POLR3E: variants seen among roughly 807,000 people sequenced by gnomAD.
POLR3E encodes the protein DNA-directed RNA polymerase III subunit RPC5.
POLR3E carries 41 observed loss-of-function variants against 96.6 expected under a neutral mutation model. That is an observed-to-expected ratio of 0.42 (90% CI 0.33 to 0.55). POLR3E has a LOEUF of 0.55. Ranked by LOEUF, POLR3E falls within the 20% of genes least tolerant of loss-of-function variation. POLR3E has a pLI of 0.06. For missense variants in POLR3E, 849 were observed against 952.1 expected (o/e 0.89, Z 1.43); for synonymous variants, 396 against 383.6 (o/e 1.03, Z -0.38).
At chr16:22,329,952 TA>T (rs544204575) in intron 19 of POLR3E, among the ~76,000 whole-genome samples, 36 of 146,942 alleles carry the variant, frequency 2.4e-4, no homozygotes, top group Admixed American at 4.1e-4. Flanking sequence ...TGCCCCCATT[TA>T]AAAAAAAAAA....
chr16:22,332,202 C>G lies in POLR3E; in HGVS notation c.2070+17C>G. The stretch of plus-strand genomic sequence containing the variant: ...GTACTAAAGGTACATCCATTTTGTG[C>G]ATAACAAACAATATCAAAGGCTCTG... On this transcript the variant is annotated intron_variant, in intron 20 of 20. Transcript: ENST00000299853. 1.2e-6 allele frequency: 2 copies of G among 1,606,298 alleles called. No individual in the cohort carries two copies. Among genetic ancestry groups the G allele is most frequent in the Non-Finnish European group, 1.7e-6 (2 of 1,175,014 alleles).
intron 1 of POLR3E, among the ~76,000 whole-genome samples, chr16:22,302,156 C>G (rs2048036557): frequency 6.6e-6 from 1 of 152,090 alleles, no homozygotes; most frequent in Non-Finnish European, 1.5e-5. Flanking sequence ...AAAGCTCTCT[C>G]TTCTTCCAGG....
chr16:22,317,667 TTTTTTTTTTAAG>T (rs1598260395), intron 12 of POLR3E, among the ~76,000 whole-genome samples: 1 of 144,500 alleles, frequency 6.9e-6, no homozygotes, highest in East Asian at 2.3e-4. Flanking sequence ...TTGTTGTTGT[TTTTTTTTTTAAG>T]GTTTTTTTAA....
chr16:22,333,044 G>A (rs543013129), intron 20 of POLR3E, among the ~76,000 whole-genome samples: 1 of 140,586 alleles, frequency 7.1e-6, no homozygotes, highest in African/African-American at 2.6e-5. Context: ...GCACAATCTC[G>A]GCTCACCGCA....
rs1376096839 is a variant in POLR3E at position 22,325,979 on chromosome 16, C to T, written c.1567C>T (p.Pro523Ser). Residue 523 changes from proline to serine, a missense_variant, in exon 18 of 21, where the codon CCC (proline) becomes TCC (serine). Coordinates refer to ENST00000299853, the MANE Select transcript of POLR3E (RefSeq NM_018119.4). ...EAEEEPMDTS[P>S]SGLHSKLANG... ...GGAGGAGGAGCCCATGGACACTTCCCCCAGCGGCCTCCACAGCAAGCTGGC... is the reference window on the plus strand; with the variant it reads ...GGAGGAGGAGCCCATGGACACTTCCTCCAGCGGCCTCCACAGCAAGCTGGC... The T allele has an allele frequency of 1.3e-6, 2 of 1,591,766 alleles. No homozygotes were observed. The highest frequency in any genetic ancestry group is 1.7e-6 in the Non-Finnish European group (2 of 1,168,578).
chr16:22,307,780 C>T (rs987412348), intron 3 of POLR3E, among the ~76,000 whole-genome samples: 5 of 152,200 alleles, frequency 3.3e-5, no homozygotes, highest in Admixed American at 1.3e-4. Flanking sequence ...CTTCTCTCCC[C>T]GGATGGCCTG....
In POLR3E at chr16:22,322,916, G is replaced by A. The variant is rs752527251; in HGVS notation, c.1053G>A (p.Arg351=). ...GCGTGCCTGCTGAGGTGCTCTGCAG[G>A]GGCCGAGACTTCGTTGTAAGTACCT... ...HSGVPAEVLC[R]GRDFVMWKFT... The change falls in exon 14 of 21, where the codon AGG becomes AGA. Residue 351 remains arginine, a synonymous_variant. Transcript: ENST00000299853. This position sits in a 1 kb window ranked among gnomAD's most constrained non-coding sequence, Gnocchi z 5.2. 3.7e-6 allele frequency: 6 copies of A among 1,612,502 alleles called. No individual in the cohort carries two copies. The Admixed American group carries it at 8.3e-5, about 22-fold the overall frequency.
In POLR3E at chr16:22,318,155, A is replaced by G. The variant is rs1396462394; in HGVS notation, c.866-671A>G. Among the ~76,000 whole-genome samples, 1 of 151,558 alleles carries G rather than the reference A, an allele frequency of 6.6e-6. No individual in the cohort carries two copies. The highest frequency in any genetic ancestry group is 1.5e-5 in the Non-Finnish European group (1 of 67,920). Reference sequence around the variant, plus strand: ...GTCACCCAGGCTGGAGTGCAGTGGCACAATCTCGGCTCACTGCAACCTCCG... The same window carrying G: ...GTCACCCAGGCTGGAGTGCAGTGGCGCAATCTCGGCTCACTGCAACCTCCG... On this transcript the variant is annotated intron_variant, in intron 12 of 20. Transcript: ENST00000299853. This position sits in a 1 kb window ranked among gnomAD's most constrained non-coding sequence, Gnocchi z 5.0.
At position 22,330,048 on chromosome 16, in the gene POLR3E, T is replaced by C. The variant is rs368485685; in HGVS notation, c.1944+1461T>C. ...TTTTAGGAGACTGTAGAGATAGATA[T>C]GTTACGCCAGTTTTTTTTTTTTTTT... On this transcript the variant is annotated intron_variant, in intron 19 of 20. Coordinates refer to ENST00000299853, the MANE Select transcript of POLR3E (RefSeq NM_018119.4). Among the ~76,000 whole-genome samples, 37 of 151,566 alleles carry C rather than the reference T, an allele frequency of 2.4e-4. No individual in the cohort carries two copies. The South Asian group carries it at 6.6e-3, about 27-fold the overall frequency.
chr16:22,328,630 G>A (rs774776877), intron 19 of POLR3E, 43 bp downstream of exon 19: 86 of 1,547,460 alleles, frequency 5.6e-5, no homozygotes, highest in Non-Finnish European at 7.5e-5. Flanking sequence ...AGCCAGGGGG[G>A]TTTCCTGCAG....
intron 1 of POLR3E, 163 bp from the exon 2 acceptor site, chr16:22,302,768 G>T (rs1362859203): frequency 7.4e-6 from 5 of 673,086 alleles, no homozygotes; most frequent in South Asian, 3.4e-5. Flanking sequence ...GGCTGATGGG[G>T]TATAGGGTTG....
chr16:22,328,917 G>A, intron 19 of POLR3E: 1 of 311,358 alleles, frequency 3.2e-6, no homozygotes, highest in Non-Finnish European at 6.3e-6. Flanking sequence ...CCTGAGGTTG[G>A]GAGTTTGACA....
chr16:22,324,038 G>A (rs547061541), intron 14 of POLR3E, among the ~76,000 whole-genome samples: 1 of 151,960 alleles, frequency 6.6e-6, no homozygotes, highest in Admixed American at 6.5e-5. Context: ...GTCTGTGGGA[G>A]CCCCTCCCAG....
chr16:22,300,015 G>A (rs2047990689), intron 1 of POLR3E, among the ~76,000 whole-genome samples: 1 of 152,172 alleles, frequency 6.6e-6, no homozygotes, highest in Non-Finnish European at 1.5e-5. Context: ...ATGCCAGCCT[G>A]ATTTACTTCT....
At chr16:22,306,673 C>T (rs1232480587) in intron 3 of POLR3E, among the ~76,000 whole-genome samples, 1 of 152,246 alleles carries the variant, frequency 6.6e-6, no homozygotes, top group Non-Finnish European at 1.5e-5. Flanking sequence ...ATAAATAATG[C>T]CACTGTGGAC....
intron 12 of POLR3E, among the ~76,000 whole-genome samples, chr16:22,317,619 G>A (rs1598260149): frequency 6.6e-6 from 1 of 152,110 alleles, no homozygotes; most frequent in East Asian, 1.9e-4. Flanking sequence ...CCTTGCAGGC[G>A]AACACGGACT....
intron 18 of POLR3E, 67 bp from the exon 19 acceptor site, chr16:22,328,443 G>C (rs2048657744): frequency 2.2e-6 from 3 of 1,336,396 alleles, no homozygotes; most frequent in East Asian, 4.6e-5. Flanking sequence ...GACAGGGAGG[G>C]ATGAGGCAAG....
rs1014487503 is a variant in POLR3E at position 22,325,931 on chromosome 16, G to A, written c.1519G>A (p.Glu507Lys). Residue 507 changes from glutamate to lysine, a missense_variant, in exon 18 of 21, where the codon GAG becomes AAG. Coordinates refer to ENST00000299853, the MANE Select transcript of POLR3E (RefSeq NM_018119.4). ...IKEEPVSEEG[E>K]EDEEQEAEEE... ...GGAGGAGCCCGTGAGCGAGGAGGGC[G>A]AGGAGGACGAGGAGCAGGAGGCGGA... is the stretch of plus-strand genomic sequence containing the variant. The A allele has an allele frequency of 2.5e-6, 4 of 1,594,296 alleles. No homozygotes were observed. The highest frequency in any genetic ancestry group is 1.7e-6 in the Non-Finnish European group (2 of 1,170,186).
At chr16:22,314,687 G>A (rs1374407020) in intron 8 of POLR3E, among the ~76,000 whole-genome samples, 1 of 152,168 alleles carries the variant, frequency 6.6e-6, no homozygotes, top group Non-Finnish European at 1.5e-5. Context: ...GAGGACCGGG[G>A]AACACGGGCG....
Sources: gnomAD v4.1 joint callset for allele counts (sites outside exome capture counted in the v4.1 genomes callset) on GRCh38, gnomAD v4.1.1 for gene constraint, Gnocchi (gnomAD v3.1) non-coding constraint, MANE v1.5 for transcripts, NCBI Gene and HGNC (gene_info 2026-07-23, HGNC 2026-07-21) for gene names.